The following CIT variants were observed in gnomAD, a reference collection of about 807,000 sequenced individuals.
CIT encodes the protein citron rho-interacting serine/threonine kinase.
Under a neutral mutation model 272.7 loss-of-function variants are expected in CIT, and 79 were observed. That is an observed-to-expected ratio of 0.29 (90% CI 0.24 to 0.35). The LOEUF (loss-of-function observed/expected upper bound fraction) is 0.35. Ranked by LOEUF, CIT falls within the 10% of genes least tolerant of loss-of-function variation. CIT has a pLI of 1.00. For synonymous variants in CIT, 948 were observed against 995.6 expected (o/e 0.95, Z 0.90); for missense variants, 1,909 against 2,618.3 (o/e 0.73, Z 5.91).
At chr12:119,820,554 T>C (rs1490773271) in intron 9 of CIT, among the ~76,000 whole-genome samples, 4 of 151,606 alleles carry the variant, frequency 2.6e-5, no homozygotes, top group Admixed American at 6.6e-5. Context: ...TCTCAAAAAA[T>C]AAATAAATAA....
chr12:119,870,774 G>C (rs1950650066), intron 2 of CIT, among the ~76,000 whole-genome samples: 1 of 152,064 alleles, frequency 6.6e-6, no homozygotes, highest in South Asian at 2.1e-4. Context: ...TTGAGTGGTT[G>C]CAACAGAGAC....
At chr12:119,814,026 C>T (rs1033647531) in intron 9 of CIT, among the ~76,000 whole-genome samples, 1 of 152,294 alleles carries the variant, frequency 6.6e-6, no homozygotes, top group Non-Finnish European at 1.5e-5. Context: ...GGCAACTTAA[C>T]AGGAACTTCC....
At chr12:119,743,651 G>A (rs1356811325) in intron 23 of CIT, among the ~76,000 whole-genome samples, 1 of 152,108 alleles carries the variant, frequency 6.6e-6, no homozygotes, top group Non-Finnish European at 1.5e-5. Flanking sequence ...CAAATTTAAG[G>A]TACTTTCCAT....
Position 119,718,477 on chromosome 12 carries a change from G to A in CIT, c.4004-68C>T, listed in dbSNP as rs1399602017. ...CCTAGAGGACCAAACTAAGCCGAAT[G>A]TCCCTGGGCTATCTTTCAAGGACCC... On this transcript the variant is annotated intron_variant, in intron 31 of 47. Transcript: ENST00000392521. This position sits in a 1 kb window ranked among gnomAD's most constrained non-coding sequence, Gnocchi z 4.8. 1 of 1,534,042 alleles carries A rather than the reference G, an allele frequency of 6.5e-7. No homozygotes were observed. Among genetic ancestry groups the A allele is most frequent in the Non-Finnish European group, 8.8e-7 (1 of 1,135,562 alleles).
At chr12:119,809,721 C>A (rs909679097) in intron 9 of CIT, among the ~76,000 whole-genome samples, 1 of 152,182 alleles carries the variant, frequency 6.6e-6, no homozygotes, top group Non-Finnish European at 1.5e-5. Flanking sequence ...GGGTCCTGCC[C>A]CATAACCTGG....
chr12:119,723,924 ACT>A (rs1245267885), intron 28 of CIT, among the ~76,000 whole-genome samples: 2 of 152,212 alleles, frequency 1.3e-5, no homozygotes, highest in East Asian at 1.9e-4. Flanking sequence ...ACTTGTAGAA[ACT>A]CTCTGTGGAA....
rs201590211 is a variant in CIT, at chr12:119,701,881, G to A, written c.5382C>T (p.Tyr1794=). The part of the protein sequence containing the change: ...YSILIGTNKF[Y]EIDMKQYTLE... The stretch of plus-strand genomic sequence containing the variant: ...GCGTGTACTGCTTCATGTCGATTTC[G>A]TAGAATTTATTGGTTCCAATGAGGA... Residue 1794 remains tyrosine, a synonymous_variant, in exon 42 of 48, where the codon TAC becomes TAT. Coordinates refer to ENST00000392521, the MANE Select transcript of CIT (RefSeq NM_001206999.2). 36 of 1,614,122 alleles carry A rather than the reference G, an allele frequency of 2.2e-5. No homozygotes were observed. The highest frequency in any genetic ancestry group is 3.3e-5 in the Admixed American group (2 of 60,026).
chr12:119,823,645 C>T (rs1312724443), intron 8 of CIT, among the ~76,000 whole-genome samples: 1 of 152,064 alleles, frequency 6.6e-6, no homozygotes, highest in Non-Finnish European at 1.5e-5. Context: ...ATTAAGCATT[C>T]CAGAAAGATG....
At chr12:119,708,115 T>C in intron 40 of CIT, 64 bp downstream of exon 40, 2 of 1,425,878 alleles carry the variant, frequency 1.4e-6, no homozygotes, top group East Asian at 5.3e-5. Flanking sequence ...ACGAGCTCTG[T>C]GGGAAGAGAG....
In CIT at chr12:119,782,483, G is replaced by A. The variant is rs746707299; in HGVS notation, c.1665+35C>T. On this transcript the variant is annotated intron_variant, in intron 13 of 47. Coordinates refer to ENST00000392521, the MANE Select transcript of CIT (RefSeq NM_001206999.2). ...CTGAAATTAGAGGTCCAAGCAAGCCGAGATGCTGCTGTGCTCCCAGGCAAG... is the reference window on the plus strand; with the variant it reads ...CTGAAATTAGAGGTCCAAGCAAGCCAAGATGCTGCTGTGCTCCCAGGCAAG... 2.1e-5 allele frequency: 34 copies of A among 1,607,846 alleles called. 1 individual carries two copies. In the South Asian group the frequency reaches 2.7e-4, roughly 13 times the overall value.
intron 5 of CIT, among the ~76,000 whole-genome samples, chr12:119,835,995 T>A (rs918039133): frequency 3.3e-5 from 5 of 151,860 alleles, no homozygotes; most frequent in Non-Finnish European, 5.9e-5. Context: ...GCTGAAAAAA[T>A]TTTGATTTAT....
intron 32 of CIT, among the ~76,000 whole-genome samples, chr12:119,715,872 G>A (rs190210928): frequency 1.4e-4 from 21 of 152,154 alleles, no homozygotes; most frequent in Admixed American, 5.2e-4. Flanking sequence ...CTGACTATAC[G>A]GTAGGCTCTC....
At chr12:119,778,819 C>G (rs748213171) in intron 13 of CIT, among the ~76,000 whole-genome samples, 5 of 152,134 alleles carry the variant, frequency 3.3e-5, no homozygotes, top group Non-Finnish European at 5.9e-5. Context: ...TATTGAAGGT[C>G]AATCCTCAGA....
chr12:119,767,199 A>C lies in CIT; in HGVS notation c.2209-17T>G. ...TTCGAGCTCCTAGACACAAAAGAAA[A>C]GACAGTCAGGTGTGCAGAGGGCAGG... On this transcript the variant is annotated splice_polypyrimidine_tract_variant and intron_variant, in intron 18 of 47. Coordinates refer to ENST00000392521, the MANE Select transcript of CIT (RefSeq NM_001206999.2). 6.3e-6 allele frequency: 10 copies of C among 1,595,016 alleles called. No individual in the cohort carries two copies. Among genetic ancestry groups the C allele is most frequent in the Non-Finnish European group, 8.6e-6 (10 of 1,168,946 alleles).
intron 26 of CIT, among the ~76,000 whole-genome samples, chr12:119,733,267 C>T (rs1430152952): frequency 6.6e-6 from 1 of 151,480 alleles, no homozygotes; most frequent in Non-Finnish European, 1.5e-5. Context: ...TGGTGGCTCA[C>T]GCTTGTAATC....
intron 3 of CIT, among the ~76,000 whole-genome samples, chr12:119,867,480 G>A (rs960991073): frequency 1.2e-4 from 18 of 152,176 alleles, no homozygotes; most frequent in African/African-American, 4.3e-4. Flanking sequence ...GAGCCACCGC[G>A]CCCAGCCACA....
chr12:119,848,389 G>A (rs911173246), intron 5 of CIT, among the ~76,000 whole-genome samples: 1 of 152,088 alleles, frequency 6.6e-6, no homozygotes, highest in African/African-American at 2.4e-5. Context: ...TTTCTCTTAC[G>A]TGAGCCTGTT....
At chr12:119,691,824 A>T (rs1293787786) in intron 46 of CIT, among the ~76,000 whole-genome samples, 10 of 152,212 alleles carry the variant, frequency 6.6e-5, no homozygotes, top group Non-Finnish European at 1.0e-4. Flanking sequence ...ATCAGCTCTA[A>T]AAGTACTAGG....
chr12:119,749,932 A>G (rs12809297), intron 23 of CIT, among the ~76,000 whole-genome samples: 1 of 152,198 alleles, frequency 6.6e-6, no homozygotes, highest in Non-Finnish European at 1.5e-5. Context: ...AAACAGGGCC[A>G]GGATAAGATA....
Sources: gnomAD v4.1 joint callset for allele counts (sites outside exome capture counted in the v4.1 genomes callset) on GRCh38, gnomAD v4.1.1 for gene constraint, Gnocchi (gnomAD v3.1) non-coding constraint, MANE v1.5 for transcripts, NCBI Gene and HGNC (gene_info 2026-07-23, HGNC 2026-07-21) for gene names.